The following NDUFS6 variants were observed in gnomAD, a reference collection of about 807,000 sequenced individuals.
The protein encoded by NDUFS6 is NADH:ubiquinone oxidoreductase subunit S6, also known as NADH dehydrogenase [ubiquinone] iron-sulfur protein 6, mitochondrial.
NDUFS6 carries 14 observed loss-of-function variants against 13.2 expected under a neutral mutation model. That is an observed-to-expected ratio of 1.06 (90% CI 0.70 to 1.66). The LOEUF is 1.66. Among genes scored for constraint, NDUFS6 ranks in the 40% most tolerant of loss-of-function variants. The pLI, the probability that NDUFS6 is intolerant of heterozygous loss-of-function variation, is 0.00. For synonymous variants in NDUFS6, 95 were observed against 72.3 expected, an observed-to-expected ratio of 1.31 and a Z score of -1.60; for missense variants, 206 against 170.8, an observed-to-expected ratio of 1.21 and a Z score of -1.15.
intron 3 of NDUFS6, 140 bp from the exon 4 acceptor site, chr5:1,815,711 A>G: frequency 1.1e-6 from 1 of 899,676 alleles, no homozygotes; most frequent in Non-Finnish European, 1.8e-6. Flanking sequence ...CGAGATCGAC[A>G]GTCTGCATTC....
chr5:1,801,545 G>T lies in NDUFS6; in HGVS notation c.128G>T (p.Gly43Val), dbSNP rs961753748. 14 of 1,585,502 alleles carry T rather than the reference G, an allele frequency of 8.8e-6. No individual in the cohort carries two copies. The Admixed American group carries it at 1.4e-4, about 16-fold the overall frequency. The change falls in exon 1 of 4, where the codon GGC becomes GTC. Residue 43 changes from glycine (G) to valine (V), a missense_variant. By Grantham distance (109) the Gly-to-Val change is moderately radical. Transcript: ENST00000274137. ...SPTGEKVTHTGQVYDDKDYRR... is the reference protein window; with the variant it reads ...SPTGEKVTHTVQVYDDKDYRR... ...ACCGGGGAGAAGGTCACGCACACTG[G>T]CCAGGTAACGGCCGCTGGGTACAGG...
chr5:1,802,881 T>C (rs138423610), intron 2 of NDUFS6, among the ~76,000 whole-genome samples: 213 of 151,850 alleles, frequency 1.4e-3, no homozygotes, highest in Non-Finnish European at 2.2e-3. Flanking sequence ...GGAGAAAGAA[T>C]GTTGAAATTA....
chr5:1,815,963 G>T lies in NDUFS6; in HGVS notation c.*47G>T, dbSNP rs201302309. 2 of 1,603,604 alleles carry T rather than the reference G, an allele frequency of 1.2e-6. No homozygotes were observed. Among genetic ancestry groups the T allele is most frequent in the African/African-American group, 2.7e-5 (2 of 74,844 alleles). On this transcript the variant is annotated 3_prime_UTR_variant, in exon 4 of 4. Coordinates refer to ENST00000274137, the MANE Select transcript of NDUFS6 (RefSeq NM_004553.6). ...CCCGCAGCATCCTGTGAGCATTTCCGCGGGGAAGCTGAGCACGTGAAGCTC... is the reference window on the plus strand; with the variant it reads ...CCCGCAGCATCCTGTGAGCATTTCCTCGGGGAAGCTGAGCACGTGAAGCTC...
chr5:1,810,683 C>T (rs1734204182), intron 2 of NDUFS6, among the ~76,000 whole-genome samples: 1 of 152,120 alleles, frequency 6.6e-6, no homozygotes, highest in Non-Finnish European at 1.5e-5. Context: ...AATTACCAAC[C>T]GAAGTAGTTG....
chr5:1,802,021 C>T (rs959712910), intron 1 of NDUFS6: 7 of 453,646 alleles, frequency 1.5e-5, no homozygotes, highest in Non-Finnish European at 2.8e-5. Context: ...AGCTCTCAGG[C>T]CATATGCCAA....
At chr5:1,804,840 G>C (rs1267390606) in intron 2 of NDUFS6, among the ~76,000 whole-genome samples, 1 of 152,162 alleles carries the variant, frequency 6.6e-6, no homozygotes, top group Non-Finnish European at 1.5e-5. Flanking sequence ...ACTAACTCAA[G>C]TCCACAGGTT....
intron 1 of NDUFS6, 104 bp from the exon 2 acceptor site, chr5:1,802,217 T>C (rs1340892058): frequency 4.3e-6 from 5 of 1,159,956 alleles, no homozygotes; most frequent in Non-Finnish European, 6.4e-6. Context: ...ATCAATGGCC[T>C]AAAAGTTAAG....
intron 2 of NDUFS6, among the ~76,000 whole-genome samples, chr5:1,807,608 C>T (rs943706186): frequency 9.9e-5 from 15 of 152,158 alleles, no homozygotes; most frequent in Admixed American, 3.9e-4. Context: ...GAGGCTGAGG[C>T]TGGGCCCACG....
chr5:1,801,450 G>A lies in NDUFS6; in HGVS notation c.33G>A (p.Leu11=), dbSNP rs1484207854. ...CGGCGATGACCTTCTGCCGGCTGCT[G>A]AACCGGTGTGGCGAGGCGGCGCGGA... MAAAMTFCRL[L]NRCGEAARSL... Residue 11 remains leucine, a synonymous_variant, in exon 1 of 4, where the codon CTG becomes CTA. Transcript: ENST00000274137. 7 of 1,605,134 alleles carry A rather than the reference G, an allele frequency of 4.4e-6. No individual in the cohort carries two copies. Among genetic ancestry groups the A allele is most frequent in the Non-Finnish European group, 5.9e-6 (7 of 1,178,700 alleles).
At chr5:1,807,747 GCCAGCGCAGCA>G in intron 2 of NDUFS6, among the ~76,000 whole-genome samples, 1 of 152,360 alleles carries the variant, frequency 6.6e-6, no homozygotes, top group South Asian at 2.1e-4. Context: ...ATCTCTTGAG[GCCAGCGCAGCA>G]CCACCCGAAC....
At chr5:1,801,963 C>T (rs1734052113) in intron 1 of NDUFS6, among the ~76,000 whole-genome samples, 2 of 152,208 alleles carry the variant, frequency 1.3e-5, no homozygotes, top group Admixed American at 6.5e-5. Context: ...ACAAAGGTAC[C>T]TGTGTATACT....
chr5:1,804,939 A>G (rs1734100503), intron 2 of NDUFS6, among the ~76,000 whole-genome samples: 1 of 152,228 alleles, frequency 6.6e-6, no homozygotes, highest in Admixed American at 6.5e-5. Flanking sequence ...TCACTGCCCT[A>G]AAAATCCTCT....
chr5:1,803,122 A>G lies in NDUFS6; in HGVS notation c.186+748A>G, dbSNP rs187125139. ...TTAACACCGTAGCTATCCCTAAATC[A>G]TGTATTTTCCCTTCTCCTTCAATCT... is the stretch of plus-strand genomic sequence containing the variant. On this transcript the variant is annotated intron_variant, in intron 2 of 3. Transcript: ENST00000274137. 3.9e-5 allele frequency among the ~76,000 whole-genome samples: 6 copies of G among 152,226 alleles called. No individual in the cohort carries two copies. In the East Asian group the frequency reaches 1.2e-3, roughly 29 times the overall value.
chr5:1,812,115 T>G (rs1734227180), intron 2 of NDUFS6, among the ~76,000 whole-genome samples: 1 of 152,180 alleles, frequency 6.6e-6, no homozygotes, highest in Non-Finnish European at 1.5e-5. Context: ...TCTTACAGTC[T>G]GGAGGCTGGG....
Position 1,815,748 on chromosome 5 carries a change from T to A in NDUFS6, c.310-103T>A, listed in dbSNP as rs1734298191. The A allele has an allele frequency of 2.6e-6, 3 of 1,176,414 alleles. No individual in the cohort carries two copies. In the East Asian group the frequency reaches 7.2e-5, roughly 28 times the overall value. The allele number at this position is 1,176,414 out of a possible 1,614,324, so 72.9% of individuals were successfully genotyped here. On this transcript the variant is annotated intron_variant, in intron 3 of 3. Coordinates refer to ENST00000274137, the MANE Select transcript of NDUFS6 (RefSeq NM_004553.6). ...TACTTCAGTAGTAACTGCGTATTTTTGTTTCTGACAGTCTAAGTTTTATAC... is the reference window on the plus strand; with the variant it reads ...TACTTCAGTAGTAACTGCGTATTTTAGTTTCTGACAGTCTAAGTTTTATAC...
intron 2 of NDUFS6, among the ~76,000 whole-genome samples, chr5:1,804,058 G>A (rs1018103846): frequency 1.3e-5 from 2 of 152,224 alleles, no homozygotes; most frequent in African/African-American, 4.8e-5. Context: ...CCGTGGTGAC[G>A]GAGGTTTCCT....
chr5:1,809,441 G>A (rs1292162762), intron 2 of NDUFS6, among the ~76,000 whole-genome samples: 1 of 152,174 alleles, frequency 6.6e-6, no homozygotes, highest in Non-Finnish European at 1.5e-5. Flanking sequence ...TGAACCCGGA[G>A]CCGGGCTCTG....
In NDUFS6 at chr5:1,814,753, G is replaced by A; in HGVS notation, c.309+292G>A. On this transcript the variant is annotated intron_variant, in intron 3 of 3. Transcript: ENST00000274137. This position sits in a 1 kb window ranked among gnomAD's most constrained non-coding sequence, Gnocchi z 4.9. ...CCTTCTCGGTTTGGTCATCATCTCA[G>A]CTCAGGCTGCCACACACAGCACCGC... 1 of 696,058 alleles carries A rather than the reference G, an allele frequency of 1.4e-6. No individual in the cohort carries two copies. Among genetic ancestry groups the A allele is most frequent in the African/African-American group, 1.8e-5 (1 of 56,932 alleles). The allele number at this position is 696,058 out of a possible 1,614,324, so 43.1% of individuals were successfully genotyped here.
At chr5:1,808,937 G>A (rs3822362) in intron 2 of NDUFS6, among the ~76,000 whole-genome samples, 11,231 of 152,232 alleles carry the variant, frequency 0.074, 546 homozygotes, top group Admixed American at 0.13. Flanking sequence ...TATTTTAAAT[G>A]TCCATGAATG....
Sources: gnomAD v4.1 joint callset for allele counts (sites outside exome capture counted in the v4.1 genomes callset) on GRCh38, gnomAD v4.1.1 for gene constraint, Gnocchi (gnomAD v3.1) non-coding constraint, MANE v1.5 for transcripts, NCBI Gene and HGNC (gene_info 2026-07-23, HGNC 2026-07-21) for gene names.